DSCAM: variants seen among roughly 807,000 people sequenced by gnomAD.
DSCAM encodes the protein cell adhesion molecule DSCAM.
DSCAM carries 47 observed loss-of-function variants against 217.7 expected under a neutral mutation model. That is an observed-to-expected ratio of 0.22 (90% CI 0.17 to 0.28). The LOEUF (loss-of-function observed/expected upper bound fraction) is 0.28, where lower values mean the gene tolerates loss of function less well. Ranked by LOEUF, DSCAM falls within the 10% of genes least tolerant of loss-of-function variation. DSCAM has a pLI of 1.00. For missense variants in DSCAM, 2,080 were observed against 2,618.3 expected (o/e 0.79, Z 4.49); for synonymous variants, 1,056 against 1,015.3 (o/e 1.04, Z -0.76).
chr21:40,817,659 T>C (rs2091891521), intron 1 of DSCAM, among the ~76,000 whole-genome samples: 1 of 152,196 alleles, frequency 6.6e-6, no homozygotes, highest in South Asian at 2.1e-4. Flanking sequence ...CTTAAAAATC[T>C]CTCCGAGTAA....
chr21:40,135,810 A>G (rs2090202189), intron 18 of DSCAM, among the ~76,000 whole-genome samples: 2 of 152,212 alleles, frequency 1.3e-5, no homozygotes, highest in South Asian at 4.1e-4. Context: ...TTGTCACCAA[A>G]AAGATCAATG....
chr21:40,604,151 G>A (rs73902702), intron 3 of DSCAM, among the ~76,000 whole-genome samples: 2,522 of 151,226 alleles, frequency 0.017, 62 homozygotes, highest in African/African-American at 0.059. Flanking sequence ...TTGCATTTTG[G>A]TTTAAAAAGT....
At chr21:40,573,905 G>T (rs1001661533) in intron 3 of DSCAM, among the ~76,000 whole-genome samples, 5 of 151,970 alleles carry the variant, frequency 3.3e-5, no homozygotes, top group Non-Finnish European at 5.9e-5. Flanking sequence ...CTTTAAAAAC[G>T]CATCTTATCA....
intron 3 of DSCAM, among the ~76,000 whole-genome samples, chr21:40,614,977 T>C (rs1187508065): frequency 6.6e-6 from 1 of 151,436 alleles, no homozygotes; most frequent in Non-Finnish European, 1.5e-5. Flanking sequence ...ATTATGTATA[T>C]ATGTATGCAT....
chr21:40,047,844 G>A (rs1413278025), intron 30 of DSCAM, among the ~76,000 whole-genome samples: 1 of 152,188 alleles, frequency 6.6e-6, no homozygotes, highest in African/African-American at 2.4e-5. Flanking sequence ...CAGGGCCACT[G>A]CTAGTCCCAT....
chr21:40,581,252 C>T (rs1008012547), intron 3 of DSCAM, among the ~76,000 whole-genome samples: 5 of 152,136 alleles, frequency 3.3e-5, no homozygotes, highest in South Asian at 4.1e-4. Flanking sequence ...GTTTTAGTCC[C>T]CACCCTCAGG....
At chr21:40,154,666 C>T (rs543091464) in intron 16 of DSCAM, among the ~76,000 whole-genome samples, 2 of 152,212 alleles carry the variant, frequency 1.3e-5, no homozygotes, top group African/African-American at 4.8e-5. Flanking sequence ...GACTGGCTCC[C>T]CCAAAGTCAT....
chr21:40,460,513 A>G (rs1486041631), intron 3 of DSCAM, among the ~76,000 whole-genome samples: 1 of 152,172 alleles, frequency 6.6e-6, no homozygotes, highest in Admixed American at 6.6e-5. Context: ...TATTTACAGC[A>G]AAAGCAAAAA....
intron 3 of DSCAM, among the ~76,000 whole-genome samples, chr21:40,568,073 T>C (rs465364): frequency 0.32 from 48,201 of 151,976 alleles, 8,370 homozygotes; most frequent in African/African-American, 0.46. Context: ...TTCCTGTCTC[T>C]TCTTCTTTCC....
At chr21:40,208,776 G>T (rs1041652046) in intron 11 of DSCAM, among the ~76,000 whole-genome samples, 2 of 152,186 alleles carry the variant, frequency 1.3e-5, no homozygotes, top group African/African-American at 4.8e-5. Context: ...TTGCGAAACA[G>T]AAATATGGAG....
intron 6 of DSCAM, 32 bp from the exon 7 acceptor site, chr21:40,339,447 C>T: frequency 6.5e-7 from 1 of 1,550,252 alleles, no homozygotes; most frequent in Non-Finnish European, 8.7e-7. Context: ...AAGAAAGTGG[C>T]ACATACAAAT....
intron 11 of DSCAM, among the ~76,000 whole-genome samples, chr21:40,224,677 A>T (rs1263686323): frequency 6.6e-6 from 1 of 152,232 alleles, no homozygotes; most frequent in African/African-American, 2.4e-5. Context: ...TGACATCTTA[A>T]ATCTGCATTT....
intron 19 of DSCAM, among the ~76,000 whole-genome samples, chr21:40,125,923 G>C (rs575394678): frequency 6.6e-6 from 1 of 152,170 alleles, no homozygotes; most frequent in African/African-American, 2.4e-5. Context: ...CCCCTGGTTG[G>C]TGTTCACCAC....
At chr21:40,507,359 T>C (rs2076218084) in intron 3 of DSCAM, among the ~76,000 whole-genome samples, 1 of 152,190 alleles carries the variant, frequency 6.6e-6, no homozygotes, top group African/African-American at 2.4e-5. Context: ...AATAGTCCTA[T>C]GCATCATTAA....
At chr21:40,188,108 TCACACACACA>T (rs34374148) in intron 12 of DSCAM, 121 bp from the exon 13 acceptor site, 3 of 612,674 alleles carry the variant, frequency 4.9e-6, no homozygotes, top group Non-Finnish European at 8.6e-6. Context: ...ATAGGTACAC[TCACACACACA>T]CACACACACT....
At chr21:40,122,945 T>G (rs1416795786) in intron 20 of DSCAM, among the ~76,000 whole-genome samples, 1 of 152,192 alleles carries the variant, frequency 6.6e-6, no homozygotes, top group Non-Finnish European at 1.5e-5. Context: ...TAAATTTGTT[T>G]GGGAATATTT....
intron 8 of DSCAM, 103 bp from the exon 9 acceptor site, chr21:40,312,462 A>T: frequency 1.5e-6 from 2 of 1,319,028 alleles, no homozygotes; most frequent in Non-Finnish European, 2.0e-6. Flanking sequence ...ACGATCATAG[A>T]TACAGCATAG....
chr21:40,366,592 TATA>T lies in DSCAM; in HGVS notation c.655+2504_655+2506del, dbSNP rs1202223876. 1.1e-4 allele frequency among the ~76,000 whole-genome samples: 17 copies of T among 152,310 alleles called. No homozygotes were observed. In the East Asian group the frequency reaches 2.7e-3, roughly 24 times the overall value. On this transcript the variant is annotated intron_variant, in intron 4 of 32. Transcript: ENST00000400454. Reference sequence around the variant, plus strand: ...TTTGTCAGTATTTTTTGTAGTTACTTATAATCAAAACTTTTTTAAAAATTTTCA... The same window carrying T: ...TTTGTCAGTATTTTTTGTAGTTACTTATCAAAACTTTTTTAAAAATTTTCA...
intron 3 of DSCAM, among the ~76,000 whole-genome samples, chr21:40,432,584 T>C (rs2075545040): frequency 6.6e-6 from 1 of 152,212 alleles, no homozygotes; most frequent in South Asian, 2.1e-4. Context: ...GTGCTTCGGA[T>C]TCAACATCTT....
Sources: gnomAD v4.1 joint callset for allele counts (sites outside exome capture counted in the v4.1 genomes callset) on GRCh38, gnomAD v4.1.1 for gene constraint, MANE v1.5 for transcripts, NCBI Gene and HGNC (gene_info 2026-07-23, HGNC 2026-07-21) for gene names.